CORO6: variants seen among roughly 807,000 people sequenced by gnomAD.
CORO6 encodes coronin-6.
A neutral mutation model predicts 49.0 loss-of-function variants in CORO6; 43 were observed. The observed-to-expected ratio is 0.88, with a 90% confidence interval of 0.69 to 1.13. The LOEUF (loss-of-function observed/expected upper bound fraction) is 1.13. CORO6 is among the 50% of genes most tolerant of loss of function. CORO6 has a pLI of 0.00. For missense variants in CORO6, 650 were observed against 647.0 expected, an observed-to-expected ratio of 1.00 and a Z score of -0.05; for synonymous variants, 233 against 256.5, an observed-to-expected ratio of 0.91 and a Z score of 0.88.
rs185519746 is a variant in CORO6, at chr17:29,620,636, A to T, written c.198+588T>A. On this transcript the variant is annotated intron_variant, in intron 2 of 10. Transcript: ENST00000388767. Reference sequence around the variant, plus strand: ...GTGGATGGTCAAGGGGCTTAAGGTTATGAAGCTAACGTGGTAGTCATTGCC... The same window carrying T: ...GTGGATGGTCAAGGGGCTTAAGGTTTTGAAGCTAACGTGGTAGTCATTGCC... 9.7e-4 allele frequency among the ~76,000 whole-genome samples: 148 copies of T among 152,246 alleles called. 2 individuals carry two copies. In the Middle Eastern group the frequency reaches 0.01, roughly 10 times the overall value.
chr17:29,622,620 C>A, intron 1 of CORO6, 68 bp downstream of exon 1: 1 of 934,096 alleles, frequency 1.1e-6, no homozygotes, highest in Non-Finnish European at 1.4e-6. Context: ...AGGCGCAGAC[C>A]TCTGCCCCTC....
intron 2 of CORO6, among the ~76,000 whole-genome samples, chr17:29,620,155 A>G (rs1057481776): frequency 6.6e-6 from 1 of 152,206 alleles, no homozygotes; most frequent in Non-Finnish European, 1.5e-5. Flanking sequence ...GTGAGATAAT[A>G]GTGTAGTGCT....
At chr17:29,617,216 T>A (rs1335017040) in intron 6 of CORO6, 174 bp from the exon 7 acceptor site, 2 of 1,533,020 alleles carry the variant, frequency 1.3e-6, no homozygotes, top group Non-Finnish European at 1.7e-6. Context: ...CCTGCGCACA[T>A]AGCTCCTCCT....
At position 29,621,165 on chromosome 17, in the gene CORO6, G is replaced by T; in HGVS notation, c.198+59C>A. The T allele has an allele frequency of 6.2e-7, 1 of 1,601,074 alleles. No homozygotes were observed. ...GAACTAGGTGAGAACAAAGGCTCAG[G>T]AGTTCCCAGGGGCCCCAGCTAGTGT... On this transcript the variant is annotated intron_variant, in intron 2 of 10. Coordinates refer to ENST00000388767, the MANE Select transcript of CORO6 (RefSeq NM_032854.4). This position sits in a 1 kb window ranked among gnomAD's most constrained non-coding sequence, Gnocchi z 4.2.
rs753435134 is a variant in CORO6, at chr17:29,618,909, C to T, written c.514G>A (p.Asp172Asn). Residue 172 changes from aspartate (D) to asparagine (N), a missense_variant, in exon 5 of 11, where the codon GAT becomes AAT. Coordinates refer to ENST00000388767, the MANE Select transcript of CORO6 (RefSeq NM_032854.4). ...CTGTGGATGACGTCTGGGTGCATAT[C>T]ATCCAGGCTCAGCAGCACCTCCCCG... ...GTGEVLLSLD[D>N]MHPDVIHSVC... The T allele has an allele frequency of 2.3e-5, 37 of 1,613,840 alleles. No homozygotes were observed. Among genetic ancestry groups the T allele is most frequent in the Non-Finnish European group, 2.8e-5 (33 of 1,180,018 alleles).
intron 5 of CORO6, 71 bp downstream of exon 5, chr17:29,618,716 ATGG>A (rs1273544070): frequency 4.6e-6 from 7 of 1,527,140 alleles, no homozygotes; most frequent in Non-Finnish European, 6.2e-6. Context: ...GGCTCTGATA[ATGG>A]TGGGTACAAG....
chr17:29,619,322 G>T, intron 3 of CORO6, 133 bp from the exon 4 acceptor site: 1 of 1,122,796 alleles, frequency 8.9e-7, no homozygotes, highest in East Asian at 2.5e-5. Flanking sequence ...AAGATGTGGT[G>T]GTGCATGCCT....
chr17:29,615,903 G>C, intron 10 of CORO6, 42 bp downstream of exon 10: 1 of 1,587,262 alleles, frequency 6.3e-7, no homozygotes, highest in Admixed American at 1.7e-5. Context: ...GGCGGTTGGG[G>C]GAGATGTAGA....
Position 29,616,170 on chromosome 17 carries a change from G to A in CORO6, c.1068C>T (p.Asp356=), listed in dbSNP as rs367821219. The A allele has an allele frequency of 2.8e-5, 45 of 1,612,790 alleles. No homozygotes were observed. Among genetic ancestry groups the A allele is most frequent in the Non-Finnish European group, 3.3e-5 (39 of 1,179,392 alleles). The stretch of plus-strand genomic sequence containing the variant: ...CCGGGTACAGATCGTCCTGGAAGAG[G>A]TCTGACTGCGGGGGTGGGTGGACAG... The part of the protein sequence containing the change: ...PIIMTVPRKS[D]LFQDDLYPDT... The change falls in exon 10 of 11, where the codon GAC becomes GAT. Residue 356 remains aspartate, a synonymous_variant. Coordinates refer to ENST00000388767, the MANE Select transcript of CORO6 (RefSeq NM_032854.4). The surrounding 1 kb of genome is among the most constrained non-coding windows in gnomAD (Gnocchi z 5.6).
chr17:29,616,402 C>T lies in CORO6; in HGVS notation c.1005-66G>A. On this transcript the variant is annotated intron_variant, in intron 8 of 10. Transcript: ENST00000388767. This position sits in a 1 kb window ranked among gnomAD's most constrained non-coding sequence, Gnocchi z 5.6. The stretch of plus-strand genomic sequence containing the variant: ...GTCCTTAACTTCTCCTGTCTAAGAC[C>T]AAGGGGGTTGGAGGCCAACACTTGC... The T allele has an allele frequency of 6.7e-7, 1 of 1,497,862 alleles. No individual in the cohort carries two copies. Among genetic ancestry groups the T allele is most frequent in the South Asian group, 1.2e-5 (1 of 83,460 alleles). 92.8% of individuals were successfully genotyped at this position (1,497,862 alleles called of 1,614,324 possible).
In CORO6 at chr17:29,616,063, C is replaced by A. The variant is rs770123429; in HGVS notation, c.1175G>T (p.Arg392Met). The A allele has an allele frequency of 7.8e-5, 126 of 1,612,726 alleles. No individual in the cohort carries two copies. The highest frequency in any genetic ancestry group is 1.1e-4 in the Non-Finnish European group (124 of 1,179,972). ...QDAEPVLISLRDGYVPPKHRE... is the reference protein window; with the variant it reads ...QDAEPVLISLMDGYVPPKHRE... ...GTGCTTGGGGGGCACATAGCCGTCC[C>A]TCAGCGAAATGAGCACGGGTTCGGC... The change falls in exon 10 of 11, where the codon AGG becomes ATG. Residue 392 changes from arginine to methionine, a missense_variant. Coordinates refer to ENST00000388767, the MANE Select transcript of CORO6 (RefSeq NM_032854.4). This position sits in a 1 kb window ranked among gnomAD's most constrained non-coding sequence, Gnocchi z 5.6.
chr17:29,617,187 G>C (rs2035004892), intron 6 of CORO6, 145 bp from the exon 7 acceptor site: 1 of 1,541,254 alleles, frequency 6.5e-7, no homozygotes, highest in Non-Finnish European at 8.7e-7. Flanking sequence ...CCCTCCCCTG[G>C]GCACATCTCT....
chr17:29,620,261 T>G (rs1186402165), intron 2 of CORO6, among the ~76,000 whole-genome samples: 1 of 152,212 alleles, frequency 6.6e-6, no homozygotes, highest in Non-Finnish European at 1.5e-5. Flanking sequence ...GTGCCTACTA[T>G]CCCCAAATGG....
chr17:29,616,157 C>G lies in CORO6; in HGVS notation c.1081G>C (p.Asp361His). 1.2e-6 allele frequency: 2 copies of G among 1,613,396 alleles called. No individual in the cohort carries two copies. Among genetic ancestry groups the G allele is most frequent in the African/African-American group, 1.3e-5 (1 of 75,054 alleles). Reference sequence around the variant, plus strand: ...GGGCCTGGCGTATCCGGGTACAGATCGTCCTGGAAGAGGTCTGACTGCGGG... The same window carrying G: ...GGGCCTGGCGTATCCGGGTACAGATGGTCCTGGAAGAGGTCTGACTGCGGG... Reference protein sequence around the residue: ...VPRKSDLFQDDLYPDTPGPEP... With the variant: ...VPRKSDLFQDHLYPDTPGPEP... The change falls in exon 10 of 11, where the codon GAT becomes CAT. Residue 361 changes from aspartate (D) to histidine (H), a missense_variant. Physicochemically the swap from Asp to His is moderately conservative, Grantham distance 81 (BLOSUM62 -1). Transcript: ENST00000388767. This position sits in a 1 kb window ranked among gnomAD's most constrained non-coding sequence, Gnocchi z 5.6.
At position 29,621,114 on chromosome 17, in the gene CORO6, C is replaced by G. The variant is rs12162129; in HGVS notation, c.198+110G>C. ...GGGAATAGGGAGGAGCCAATCCACACAGATGCTTCTCCTGACTATGGAATG... is the reference window on the plus strand; with the variant it reads ...GGGAATAGGGAGGAGCCAATCCACAGAGATGCTTCTCCTGACTATGGAATG... On this transcript the variant is annotated intron_variant, in intron 2 of 10. Transcript: ENST00000388767. The surrounding 1 kb of genome is among the most constrained non-coding windows in gnomAD (Gnocchi z 4.2). 11 of 1,391,822 alleles carry G rather than the reference C, an allele frequency of 7.9e-6. No individual in the cohort carries two copies. The East Asian group carries it at 2.7e-4, about 34-fold the overall frequency. The allele number at this position is 1,391,822 out of a possible 1,614,324, so 86.2% of individuals were successfully genotyped here. A position where few individuals can be genotyped will look rare whatever the true frequency, so the allele number is the denominator to read the frequency against.
Position 29,619,045 on chromosome 17 carries a change from C to T in CORO6, c.451+15G>A. Reference sequence around the variant, plus strand: ...ACCCACCCATCTATGGGGGACCCCTCCTTAGCCCCCAGACCTGCACTGAGC... The same window carrying T: ...ACCCACCCATCTATGGGGGACCCCTTCTTAGCCCCCAGACCTGCACTGAGC... On this transcript the variant is annotated intron_variant, in intron 4 of 10. Coordinates refer to ENST00000388767, the MANE Select transcript of CORO6 (RefSeq NM_032854.4). The T allele has an allele frequency of 2.5e-6, 4 of 1,612,092 alleles. No individual in the cohort carries two copies. The highest frequency in any genetic ancestry group is 1.1e-5 in the South Asian group (1 of 91,022).
In CORO6 at chr17:29,616,614, G is replaced by T; in HGVS notation, c.1004+88C>A. The T allele has an allele frequency of 6.5e-7, 1 of 1,535,896 alleles. No individual in the cohort carries two copies. The highest frequency in any genetic ancestry group is 8.9e-7 in the Non-Finnish European group (1 of 1,123,580). On this transcript the variant is annotated intron_variant, in intron 8 of 10. Transcript: ENST00000388767. The surrounding 1 kb of genome is among the most constrained non-coding windows in gnomAD (Gnocchi z 5.6). ...CCCCGCCCCGCTTTTCCAAAGCACT[G>T]CATTACTGGGGAAGCCCCGTGGCTA...
At chr17:29,622,639 C>T in intron 1 of CORO6, 49 bp downstream of exon 1, 1 of 1,108,106 alleles carries the variant, frequency 9.0e-7, no homozygotes, top group Non-Finnish European at 1.1e-6. Flanking sequence ...TCAGGGACCC[C>T]GCCCGCTCCG....
In CORO6 at chr17:29,615,626, C is replaced by T. The variant is rs967532028; in HGVS notation, c.*106G>A. On this transcript the variant is annotated 3_prime_UTR_variant, in exon 11 of 11. Transcript: ENST00000388767. ...GGGCGGAGTTCCCTCCCCAGTCCCG[C>T]CCCCGGGCCCAGCCCAAGAAGGCGG... 7.9e-6 allele frequency: 10 copies of T among 1,270,860 alleles called. No homozygotes were observed. Among genetic ancestry groups the T allele is most frequent in the Admixed American group, 3.1e-5 (1 of 31,874 alleles). 78.7% of individuals were successfully genotyped at this position (1,270,860 alleles called of 1,614,324 possible).
Sources: gnomAD v4.1 joint callset for allele counts (sites outside exome capture counted in the v4.1 genomes callset) on GRCh38, gnomAD v4.1.1 for gene constraint, Gnocchi (gnomAD v3.1) non-coding constraint, MANE v1.5 for transcripts, NCBI Gene and HGNC (gene_info 2026-07-23, HGNC 2026-07-21) for gene names.